EHD4: variants seen among roughly 807,000 people sequenced by gnomAD.
EHD4 encodes EH domain-containing protein 4.
Under a neutral mutation model 51.0 loss-of-function variants are expected in EHD4, and 37 were observed. The ratio of observed to expected loss-of-function variants is 0.73; its 90% CI spans 0.56 to 0.95. The LOEUF (loss-of-function observed/expected upper bound fraction) is 0.95, where lower values mean the gene tolerates loss of function less well. Among genes scored for constraint, EHD4 ranks in the 40% least tolerant of loss-of-function variants. The pLI is 0.00. For synonymous variants in EHD4, 297 were observed against 317.3 expected, an observed-to-expected ratio of 0.94 and a Z score of 0.68; for missense variants, 632 against 733.1, an observed-to-expected ratio of 0.86 and a Z score of 1.59.
intron 1 of EHD4, among the ~76,000 whole-genome samples, chr15:41,971,227 A>C (rs2067993138): frequency 6.6e-6 from 1 of 152,226 alleles, no homozygotes; most frequent in Non-Finnish European, 1.5e-5. Context: ...CATGTATCCA[A>C]ATATAGATGC....
chr15:41,953,759 C>T lies in EHD4; in HGVS notation c.413+5G>A. The T allele has an allele frequency of 6.2e-7, 1 of 1,602,204 alleles. No homozygotes were observed. Among genetic ancestry groups the T allele is most frequent in the Non-Finnish European group, 8.5e-7 (1 of 1,175,812 alleles). On this transcript the variant is annotated splice_donor_5th_base_variant and intron_variant, in intron 2 of 5. Transcript: ENST00000220325. ...GACCGAAGATGGCAGCTTGCTGGTCCTTACCGATTCAGGAAAGCGTTTCCA... is the reference window on the plus strand; with the variant it reads ...GACCGAAGATGGCAGCTTGCTGGTCTTTACCGATTCAGGAAAGCGTTTCCA...
chr15:41,934,316 T>G (rs1236430418), intron 3 of EHD4, among the ~76,000 whole-genome samples: 3 of 151,340 alleles, frequency 2.0e-5, no homozygotes, highest in Non-Finnish European at 2.9e-5. Flanking sequence ...GAAGTTTTTT[T>G]TTTTTTTTTT....
chr15:41,945,047 C>G (rs922343518), intron 2 of EHD4, among the ~76,000 whole-genome samples: 2 of 152,196 alleles, frequency 1.3e-5, no homozygotes, highest in Admixed American at 6.5e-5. Context: ...GGGGTGGGAA[C>G]AGGGCTCTGG....
chr15:41,914,719 G>C (rs1005353675), intron 4 of EHD4, among the ~76,000 whole-genome samples: 1 of 151,858 alleles, frequency 6.6e-6, no homozygotes, highest in Non-Finnish European at 1.5e-5. Context: ...ATTATATCAT[G>C]ATTCTCACAC....
At chr15:41,923,904 C>A (rs1280822935) in intron 3 of EHD4, among the ~76,000 whole-genome samples, 1 of 152,202 alleles carries the variant, frequency 6.6e-6, no homozygotes, top group African/African-American at 2.4e-5. Flanking sequence ...CCTGGTGAAC[C>A]CTTCCTCTAT....
chr15:41,900,887 T>C lies in EHD4; in HGVS notation c.1384A>G (p.Asn462Asp). ...GCGTTGACACCTGATATCTTGCCAT[T>C]GATGGGCGACAGAGTGTAGAAGAGC... is the stretch of plus-strand genomic sequence containing the variant. Reference protein sequence around the residue: ...DELFYTLSPINGKISGVNAKK... With the variant: ...DELFYTLSPIDGKISGVNAKK... The change falls in exon 6 of 6, where the codon AAT becomes GAT. Residue 462 changes from asparagine to aspartate, a missense_variant. Asn to Asp is a conservative substitution (Grantham distance 23). Coordinates refer to ENST00000220325, the MANE Select transcript of EHD4 (RefSeq NM_139265.4). This position sits in a 1 kb window ranked among gnomAD's most constrained non-coding sequence, Gnocchi z 4.8. 1 of 1,614,160 alleles carries C rather than the reference T, an allele frequency of 6.2e-7. No individual in the cohort carries two copies. The highest frequency in any genetic ancestry group is 8.5e-7 in the Non-Finnish European group (1 of 1,180,018).
chr15:41,919,664 G>A, intron 3 of EHD4, 42 bp from the exon 4 acceptor site: 2 of 1,482,364 alleles, frequency 1.3e-6, no homozygotes, highest in Non-Finnish European at 1.8e-6. Flanking sequence ...CACTGCTGCA[G>A]GAGACACGTT....
chr15:41,971,115 G>T (rs2067992339), intron 1 of EHD4, among the ~76,000 whole-genome samples: 1 of 152,160 alleles, frequency 6.6e-6, no homozygotes, highest in Admixed American at 6.5e-5. Context: ...GTATCTGGAG[G>T]CCTGGATTTA....
intron 3 of EHD4, among the ~76,000 whole-genome samples, chr15:41,924,736 A>G (rs1460261465): frequency 6.6e-6 from 1 of 152,168 alleles, no homozygotes; most frequent in Non-Finnish European, 1.5e-5. Flanking sequence ...TCACACGAGT[A>G]TGCAAATATG....
chr15:41,954,116 A>G (rs1190875126), intron 1 of EHD4, among the ~76,000 whole-genome samples, 176 bp from the exon 2 acceptor site: 9 of 152,100 alleles, frequency 5.9e-5, no homozygotes, highest in Non-Finnish European at 1.2e-4. Flanking sequence ...ACGCTACCCC[A>G]AGGGAAGTGT....
chr15:41,957,808 G>A (rs1595545278), intron 1 of EHD4, among the ~76,000 whole-genome samples: 2 of 152,312 alleles, frequency 1.3e-5, no homozygotes, highest in South Asian at 4.1e-4. Flanking sequence ...AGATTCATCT[G>A]TTACACTGCT....
chr15:41,903,453 T>TACACACACACAC (rs146543286), intron 5 of EHD4, among the ~76,000 whole-genome samples: 5 of 144,384 alleles, frequency 3.5e-5, no homozygotes, highest in African/African-American at 1.3e-4. Flanking sequence ...TTAACATACA[T>TACACACACACAC]ACACACACAC....
chr15:41,972,306 C>CA lies in EHD4; in HGVS notation c.188dup (p.Met63IlefsTer47). 1 of 1,611,066 alleles carries CA rather than the reference C, an allele frequency of 6.2e-7. No individual in the cohort carries two copies. The highest frequency in any genetic ancestry group is 8.5e-7 in the Non-Finnish European group (1 of 1,178,744). On this transcript the variant is annotated frameshift_variant, in exon 1 of 6. Coordinates refer to ENST00000220325, the MANE Select transcript of EHD4 (RefSeq NM_139265.4). LOFTEE classifies it high-confidence loss of function. The stretch of plus-strand genomic sequence containing the variant: ...TGCTGTACTGGCCCACCAGCAGGAT[C>CA]ATGGGCTTGTTCTCGAAGTCGGCGT...
chr15:41,941,783 G>A (rs1384170026), intron 3 of EHD4: 2 of 152,154 alleles, frequency 1.3e-5, no homozygotes, highest in East Asian at 1.9e-4. Context: ...AAAATGCCAA[G>A]AGAAAGGAGG....
At chr15:41,939,792 CAAAA>C (rs537857115) in intron 3 of EHD4, among the ~76,000 whole-genome samples, 1 of 80,238 alleles carries the variant, frequency 1.2e-5, no homozygotes, top group Non-Finnish European at 2.4e-5. Flanking sequence ...GACTCCGTCT[CAAAA>C]AAAAAAAAAA....
At chr15:41,936,272 T>C (rs150286793) in intron 3 of EHD4, among the ~76,000 whole-genome samples, 11 of 152,306 alleles carry the variant, frequency 7.2e-5, no homozygotes, top group Non-Finnish European at 1.6e-4. Flanking sequence ...GGAGGCAGTA[T>C]CTTTGAAGAC....
intron 4 of EHD4, 79 bp downstream of exon 4, chr15:41,919,131 C>G: frequency 6.4e-7 from 1 of 1,573,256 alleles, no homozygotes; most frequent in African/African-American, 1.3e-5. Context: ...ACGAAGCCTC[C>G]TCCCACCCAT....
intron 5 of EHD4, among the ~76,000 whole-genome samples, chr15:41,905,358 C>T (rs1419826539): frequency 6.6e-6 from 1 of 152,216 alleles, no homozygotes; most frequent in African/African-American, 2.4e-5. Flanking sequence ...CGGGGAACCC[C>T]TGGTCTATAA....
rs1201261519 is a variant in EHD4, at chr15:41,900,845, T to C, written c.1426A>G (p.Thr476Ala). 1 of 1,613,984 alleles carries C rather than the reference T, an allele frequency of 6.2e-7. No individual in the cohort carries two copies. The highest frequency in any genetic ancestry group is 8.5e-7 in the Non-Finnish European group (1 of 1,179,994). Reference sequence around the variant, plus strand: ...AGGACGCTGTTGGGCAGCTTGGAGGTCACCATCTCCTTCTTGGCGTTGACA... The same window carrying C: ...AGGACGCTGTTGGGCAGCTTGGAGGCCACCATCTCCTTCTTGGCGTTGACA... ...SGVNAKKEMV[T>A]SKLPNSVLGK... Residue 476 changes from threonine to alanine, a missense_variant, in exon 6 of 6, where the codon ACC becomes GCC. Transcript: ENST00000220325. This position sits in a 1 kb window ranked among gnomAD's most constrained non-coding sequence, Gnocchi z 4.8.
Sources: allele counts gnomAD v4.1 joint callset (sites outside exome capture counted in the v4.1 genomes callset), GRCh38; gene constraint gnomAD v4.1.1; non-coding constraint Gnocchi (gnomAD v3.1); transcripts MANE v1.5; gene names NCBI Gene and HGNC (gene_info 2026-07-23, HGNC 2026-07-21).